Variants in ULK4 observed in about 807,000 individuals in gnomAD.
The protein encoded by ULK4 is inactive serine/threonine-protein kinase ULK4.
Under a neutral mutation model 160.6 loss-of-function variants are expected in ULK4, and 133 were observed. That is an observed-to-expected ratio of 0.83 (90% CI 0.72 to 0.96). ULK4 has a LOEUF of 0.96. Among genes scored for constraint, ULK4 ranks in the 40% least tolerant of loss-of-function variants. ULK4 has a pLI of 0.00. For synonymous variants in ULK4, 534 were observed against 539.8 expected (o/e 0.99, Z 0.15); for missense variants, 1,580 against 1,499.5 (o/e 1.05, Z -0.89).
At chr3:41,507,355 G>A (rs1389401006) in intron 32 of ULK4, among the ~76,000 whole-genome samples, 1 of 151,742 alleles carries the variant, frequency 6.6e-6, no homozygotes, top group Non-Finnish European at 1.5e-5. Flanking sequence ...TGATATTTTA[G>A]CAAGAAATAC....
At chr3:41,565,994 T>C (rs539403329) in intron 32 of ULK4, 31 bp downstream of exon 32, 1 of 1,574,780 alleles carries the variant, frequency 6.4e-7, no homozygotes, top group Admixed American at 1.7e-5. Context: ...AGGCAAAACT[T>C]GATCAGAGAG....
In ULK4 at chr3:41,385,371, C is replaced by G. The variant is rs79129208; in HGVS notation, c.3678+12708G>C. Among the ~76,000 whole-genome samples the G allele has an allele frequency of 6.9e-3, 1,049 of 151,974 alleles. 4 individuals are homozygous for G. Among genetic ancestry groups the G allele is most frequent in the African/African-American group, 0.016 (649 of 41,476 alleles). ...AGAGAGAGTAGGGAACAAATTTTAT[C>G]TGCTAGGATTACAGGAAGGGAGTAG... On this transcript the variant is annotated intron_variant, in intron 35 of 36. Coordinates refer to ENST00000301831, the MANE Select transcript of ULK4 (RefSeq NM_017886.4).
At position 41,455,490 on chromosome 3, in the gene ULK4, C is replaced by T. The variant is rs1344985554; in HGVS notation, c.3492+7G>A. The T allele has an allele frequency of 4.3e-6, 7 of 1,613,386 alleles. No homozygotes were observed. Among genetic ancestry groups the T allele is most frequent in the Non-Finnish European group, 5.9e-6 (7 of 1,179,576 alleles). Reference sequence around the variant, plus strand: ...ATGCCCCAAAAGACATACAGGTGAGCTCTTACCAGTGGAATGAGCAGGCTA... The same window carrying T: ...ATGCCCCAAAAGACATACAGGTGAGTTCTTACCAGTGGAATGAGCAGGCTA... On this transcript the variant is annotated splice_region_variant and intron_variant, in intron 34 of 36. Coordinates refer to ENST00000301831, the MANE Select transcript of ULK4 (RefSeq NM_017886.4).
chr3:41,834,921 T>C (rs2125652452), intron 18 of ULK4, among the ~76,000 whole-genome samples: 1 of 152,308 alleles, frequency 6.6e-6, no homozygotes, highest in Admixed American at 6.5e-5. Context: ...GGTGCATACC[T>C]GTAGTTTTTA....
At chr3:41,691,247 G>GCC (rs2036287966) in intron 27 of ULK4, among the ~76,000 whole-genome samples, 1 of 151,752 alleles carries the variant, frequency 6.6e-6, no homozygotes, top group Non-Finnish European at 1.5e-5. Flanking sequence ...AGTTCTGGAG[G>GCC]CCCCTGCACA....
At chr3:41,819,606 A>G (rs1350679497) in intron 18 of ULK4, 100 bp from the exon 19 acceptor site, 3 of 961,088 alleles carry the variant, frequency 3.1e-6, no homozygotes, top group Non-Finnish European at 3.1e-6. Flanking sequence ...CAAACTATCT[A>G]AAACTTAATA....
chr3:41,410,149 CAG>C (rs1559579650), intron 34 of ULK4, among the ~76,000 whole-genome samples: 2 of 151,806 alleles, frequency 1.3e-5, no homozygotes, highest in Non-Finnish European at 2.9e-5. Flanking sequence ...AAGTTAGACA[CAG>C]ATTTACTATA....
chr3:41,354,658 C>T (rs187071407), intron 35 of ULK4, among the ~76,000 whole-genome samples: 147 of 152,198 alleles, frequency 9.7e-4, no homozygotes, highest in Admixed American at 2.4e-3. Context: ...TTGACAGAAG[C>T]CAGGTTACAA....
At chr3:41,469,658 C>T (rs1454537464) in intron 32 of ULK4, among the ~76,000 whole-genome samples, 5 of 113,804 alleles carry the variant, frequency 4.4e-5, no homozygotes, top group African/African-American at 1.4e-4. Context: ...ATGGCTATCT[C>T]CTCAACTGCA....
intron 32 of ULK4, among the ~76,000 whole-genome samples, chr3:41,551,212 A>G (rs1239049140): frequency 1.3e-5 from 2 of 151,870 alleles, no homozygotes; most frequent in East Asian, 1.9e-4. Context: ...CAATCTAAAA[A>G]CATACCTAAA....
chr3:41,776,261 T>C (rs2039616188), intron 21 of ULK4, among the ~76,000 whole-genome samples: 3 of 151,128 alleles, frequency 2.0e-5, no homozygotes, highest in African/African-American at 7.4e-5. Flanking sequence ...TTCTTCACAT[T>C]CTATGCCCAT....
At position 41,506,767 on chromosome 3, in the gene ULK4, A is replaced by AAAAAAAAAAAATATATATATATAAATAT; in HGVS notation, c.3227-43515_3227-43514insATATTTATATATATATATTTTTTTTTTT. Among the ~76,000 whole-genome samples, 249 of 56,784 alleles carry AAAAAAAAAAAATATATATATATAAATAT rather than the reference A, an allele frequency of 4.4e-3. 29 individuals are homozygous for AAAAAAAAAAAATATATATATATAAATAT. The highest frequency in any genetic ancestry group is 0.02 in the Middle Eastern group (2 of 98). 37.3% of individuals were successfully genotyped at this position (56,784 alleles called of 152,430 possible). ...AGCAATACACTGGAGTGTGATTTAA[A>AAAAAAAAAAAATATATATATATAAATAT]ATATATATATATATATATATATATA... On this transcript the variant is annotated intron_variant, in intron 32 of 36. Coordinates refer to ENST00000301831, the MANE Select transcript of ULK4 (RefSeq NM_017886.4).
At chr3:41,251,113 T>G (rs1054041970) in intron 35 of ULK4, 1 of 152,202 alleles carries the variant, frequency 6.6e-6, no homozygotes, top group Non-Finnish European at 1.5e-5. Context: ...AAGATGACTT[T>G]CATCCACAAG....
intron 22 of ULK4, among the ~76,000 whole-genome samples, chr3:41,718,422 C>T (rs2037343191): frequency 1.3e-5 from 2 of 152,342 alleles, no homozygotes; most frequent in South Asian, 2.1e-4. Flanking sequence ...TTTCAAACTA[C>T]TGGCATTCTT....
intron 25 of ULK4, among the ~76,000 whole-genome samples, chr3:41,706,483 C>A (rs2036892235): frequency 6.8e-6 from 1 of 147,348 alleles, no homozygotes; most frequent in South Asian, 2.1e-4. Flanking sequence ...CATAAGATGA[C>A]CTCGGAACTA....
chr3:41,919,155 T>C (rs1429999718), intron 6 of ULK4, among the ~76,000 whole-genome samples: 1 of 152,148 alleles, frequency 6.6e-6, no homozygotes, highest in Non-Finnish European at 1.5e-5. Context: ...TTTACAAAAA[T>C]TTCTAATAAT....
intron 35 of ULK4, among the ~76,000 whole-genome samples, chr3:41,292,478 C>T (rs1209477477): frequency 6.6e-6 from 1 of 152,110 alleles, no homozygotes; most frequent in African/African-American, 2.4e-5. Context: ...AACCCAGTCT[C>T]TACTAAAAAT....
intron 31 of ULK4, among the ~76,000 whole-genome samples, chr3:41,598,037 C>T (rs1225044165): frequency 3.3e-5 from 5 of 152,202 alleles, no homozygotes; most frequent in African/African-American, 1.2e-4. Context: ...TCCCAAAGGG[C>T]TCAAGCTAAT....
intron 19 of ULK4, among the ~76,000 whole-genome samples, chr3:41,810,445 C>G (rs1479102652): frequency 6.6e-6 from 1 of 152,152 alleles, no homozygotes; most frequent in Non-Finnish European, 1.5e-5. Flanking sequence ...GCCTTTACTC[C>G]TCTTTGTTGA....
Sources: gnomAD v4.1 joint callset for allele counts (sites outside exome capture counted in the v4.1 genomes callset) on GRCh38, gnomAD v4.1.1 for gene constraint, MANE v1.5 for transcripts, NCBI Gene and HGNC (gene_info 2026-07-23, HGNC 2026-07-21) for gene names.